Variants in ARHGAP45 observed in about 807,000 individuals in gnomAD.
ARHGAP45 encodes the protein rho GTPase-activating protein 45.
ARHGAP45 carries 56 observed loss-of-function variants against 116.1 expected under a neutral mutation model. The ratio of observed to expected loss-of-function variants is 0.48; its 90% CI spans 0.39 to 0.60. The LOEUF is 0.60. Among genes scored for constraint, ARHGAP45 ranks in the 20% least tolerant of loss-of-function variants. The pLI, the probability that ARHGAP45 is intolerant of heterozygous loss-of-function variation, is 0.00. For missense variants in ARHGAP45, 1,622 were observed against 1,601.0 expected, an observed-to-expected ratio of 1.01 and a Z score of -0.22; for synonymous variants, 866 against 701.7, an observed-to-expected ratio of 1.23 and a Z score of -3.70.
upstream of ARHGAP45, chr19:1,067,083 G>A (rs1336723368): frequency 4.7e-6 from 4 of 852,642 alleles, no homozygotes; most frequent in Non-Finnish European, 5.8e-6. Flanking sequence ...CCCCGCGAGC[G>A]GCGCGGCTCC....
Position 1,086,089 on chromosome 19 carries a change from C to T in ARHGAP45, c.*83C>T. 7.9e-7 allele frequency: 1 copy of T among 1,271,854 alleles called. No individual in the cohort carries two copies. Among genetic ancestry groups the T allele is most frequent in the Non-Finnish European group, 1.1e-6 (1 of 907,202 alleles). The allele number at this position is 1,271,854 out of a possible 1,614,324, so 78.8% of individuals were successfully genotyped here. A position where few individuals can be genotyped will look rare whatever the true frequency, so the allele number is the denominator to read the frequency against. On this transcript the variant is annotated 3_prime_UTR_variant, in exon 23 of 23. Transcript: ENST00000313093. The stretch of plus-strand genomic sequence containing the variant: ...GCACGTCCCCTGCACCACGGCATAG[C>T]TTAGGTGCGCCGTCCTGGGGTCGCT...
In ARHGAP45 at chr19:1,081,663, C is replaced by T. The variant is rs1450689381; in HGVS notation, c.2304C>T (p.Arg768=). ...LFGQDFSHAA[R]SAPDGVPFIV... The stretch of plus-strand genomic sequence containing the variant: ...GCCAGGACTTCAGCCACGCGGCCCG[C>T]AGCGCCCCCGACGGCGTGCCCTTCA... Residue 768 remains arginine, a synonymous_variant, in exon 18 of 23, where the codon CGC becomes CGT. Transcript: ENST00000313093. 10 of 1,582,784 alleles carry T rather than the reference C, an allele frequency of 6.3e-6. No individual in the cohort carries two copies. In the African/African-American group the frequency reaches 1.2e-4, roughly 19 times the overall value.
chr19:1,084,869 G>A (rs1270727749), intron 22 of ARHGAP45, among the ~76,000 whole-genome samples: 1 of 152,178 alleles, frequency 6.6e-6, no homozygotes, highest in Non-Finnish European at 1.5e-5. Context: ...ATCACTTGAG[G>A]TTAGGAGTTC....
chr19:1,067,550 G>A (rs1372791014), intron 1 of ARHGAP45, 55 bp downstream of exon 1: 5 of 1,475,310 alleles, frequency 3.4e-6, no homozygotes, highest in South Asian at 1.2e-5. Context: ...GGGGGACAGG[G>A]ACCCGCCCTG....
rs775003355 is a variant in ARHGAP45 at position 1,080,765 on chromosome 19, G to A, written c.1996G>A (p.Gly666Arg). Residue 666 changes from glycine (G) to arginine (R), a missense_variant, in exon 16 of 23, where the codon GGG becomes AGG. Physicochemically the swap from Gly to Arg is moderately radical, Grantham distance 125. Around this residue, in one of 3 missense-constraint regions of ARHGAP45, gnomAD observed 1,334 missense variants for 1,263.8 expected, o/e 1.06. Transcript: ENST00000313093. ...EELVDPDGGA[G>R]ASAFEQADLN... ...GCTGGTGGACCCAGACGGTGGAGCCGGGGCTTCAGCCTTTGAGCAGGGTGA... is the reference window on the plus strand; with the variant it reads ...GCTGGTGGACCCAGACGGTGGAGCCAGGGCTTCAGCCTTTGAGCAGGGTGA... 3.1e-6 allele frequency: 5 copies of A among 1,613,410 alleles called. No individual in the cohort carries two copies. In the South Asian group the frequency reaches 3.3e-5, roughly 11 times the overall value.
At chr19:1,070,881 ACCCTGGCAAGC>A (rs1306937376) in intron 2 of ARHGAP45, among the ~76,000 whole-genome samples, 1 of 151,792 alleles carries the variant, frequency 6.6e-6, no homozygotes, top group Non-Finnish European at 1.5e-5. Flanking sequence ...AGCTGCTGAG[ACCCTGGCAAGC>A]CCCTTCCCTC....
chr19:1,073,519 G>A lies in ARHGAP45; in HGVS notation c.579G>A (p.Glu193=). Residue 193 remains glutamate, a synonymous_variant, in exon 4 of 23, where the codon GAG becomes GAA. Transcript: ENST00000313093. Reference sequence around the variant, plus strand: ...TCTGCTTCCCAGCCTTCCATTATGAGAGCAACAATGATCTGGAGAAACAGG... The same window carrying A: ...TCTGCTTCCCAGCCTTCCATTATGAAAGCAACAATGATCTGGAGAAACAGG... The part of the protein sequence containing the change: ...LIAKVKAFHY[E]SNNDLEKQEF... 6.2e-7 allele frequency: 1 copy of A among 1,613,916 alleles called. No individual in the cohort carries two copies. Among genetic ancestry groups the A allele is most frequent in the South Asian group, 1.1e-5 (1 of 91,046 alleles).
In ARHGAP45 at chr19:1,079,700, C is replaced by A. The variant is rs764046644; in HGVS notation, c.1375-3C>A. ...CTCTCTGTGCGCCCCGCCCCCACCGCAGGCGGAGGAAGCTATGGCCACCTA... is the reference window on the plus strand; with the variant it reads ...CTCTCTGTGCGCCCCGCCCCCACCGAAGGCGGAGGAAGCTATGGCCACCTA... On this transcript the variant is annotated splice_polypyrimidine_tract_variant and splice_region_variant and intron_variant, in intron 11 of 22. Coordinates refer to ENST00000313093, the MANE Select transcript of ARHGAP45 (RefSeq NM_012292.5). 7.1e-5 allele frequency: 115 copies of A among 1,612,258 alleles called. No individual in the cohort carries two copies. The highest frequency in any genetic ancestry group is 9.4e-5 in the Non-Finnish European group (111 of 1,179,634).
At position 1,085,774 on chromosome 19, in the gene ARHGAP45, G is replaced by A; in HGVS notation, c.3179G>A (p.Ser1060Asn). Residue 1060 changes from serine to asparagine, a missense_variant, in exon 23 of 23, where the codon AGC (serine) becomes AAC (asparagine). Physicochemically the swap from Ser to Asn is conservative, Grantham distance 46. This residue lies in a region of ARHGAP45 where 1,334 missense variants were observed against 1,263.8 expected (regional missense o/e 1.06). Coordinates refer to ENST00000313093, the MANE Select transcript of ARHGAP45 (RefSeq NM_012292.5). ...GHLSFLEQQQ[S>N]EASLEVASGS... ...CTCAGCTTCCTGGAGCAGCAGCAGA[G>A]CGAGGCCAGCCTAGAGGTGGCTTCT... The A allele has an allele frequency of 1.2e-6, 2 of 1,612,744 alleles. No individual in the cohort carries two copies. Among genetic ancestry groups the A allele is most frequent in the South Asian group, 1.1e-5 (1 of 91,078 alleles).
rs754648326 is a variant in ARHGAP45, at chr19:1,081,064, G to A, written c.2190G>A (p.Glu730=). The part of the protein sequence containing the change: ...YVYFQGAECE[E]CCLACHKKCL... ...ACTTCCAGGGTGCTGAGTGTGAAGA[G>A]GTGAGTGGGACGCCCCGACGGACAG... Residue 730 remains glutamate, a splice_region_variant and synonymous_variant, in exon 17 of 23, where the codon GAG becomes GAA. Coordinates refer to ENST00000313093, the MANE Select transcript of ARHGAP45 (RefSeq NM_012292.5). 2.5e-6 allele frequency: 4 copies of A among 1,602,996 alleles called. No individual in the cohort carries two copies. The highest frequency in any genetic ancestry group is 2.2e-5 in the South Asian group (2 of 89,624).
At position 1,081,653 on chromosome 19, in the gene ARHGAP45, A is replaced by C. The variant is rs1819337703; in HGVS notation, c.2294A>C (p.His765Pro). ...CAGCTGTTCGGCCAGGACTTCAGCC[A>C]CGCGGCCCGCAGCGCCCCCGACGGC... ...RLQLFGQDFS[H>P]AARSAPDGVP... The change falls in exon 18 of 23, where the codon CAC becomes CCC. Residue 765 changes from histidine to proline, a missense_variant. Around this residue, in one of 3 missense-constraint regions of ARHGAP45, gnomAD observed 1,334 missense variants for 1,263.8 expected, o/e 1.06. Transcript: ENST00000313093. 1.3e-6 allele frequency: 2 copies of C among 1,582,314 alleles called. No homozygotes were observed. The highest frequency in any genetic ancestry group is 2.7e-5 in the African/African-American group (2 of 74,132).
In ARHGAP45 at chr19:1,068,205, C is replaced by T. The variant is rs989057420; in HGVS notation, c.91-209C>T. On this transcript the variant is annotated intron_variant, in intron 1 of 22. Coordinates refer to ENST00000313093, the MANE Select transcript of ARHGAP45 (RefSeq NM_012292.5). This position sits in a 1 kb window ranked among gnomAD's most constrained non-coding sequence, Gnocchi z 7.5. The stretch of plus-strand genomic sequence containing the variant: ...CCCCGGCTGTGGTTTGGGCAAGGAC[C>T]GTTGTTTGTGAAAGCTCTAGGGAAG... 9 of 555,628 alleles carry T rather than the reference C, an allele frequency of 1.6e-5. No homozygotes were observed. Among genetic ancestry groups the T allele is most frequent in the African/African-American group, 4.0e-5 (2 of 50,310 alleles). The allele number at this position is 555,628 out of a possible 1,614,324, so 34.4% of individuals were successfully genotyped here.
chr19:1,068,397 C>T lies in ARHGAP45; in HGVS notation c.91-17C>T, dbSNP rs768803141. 2 of 1,520,772 alleles carry T rather than the reference C, an allele frequency of 1.3e-6. No individual in the cohort carries two copies. The highest frequency in any genetic ancestry group is 8.8e-7 in the Non-Finnish European group (1 of 1,130,640). 94.2% of individuals were successfully genotyped at this position (1,520,772 alleles called of 1,614,324 possible). A position where few individuals can be genotyped will look rare whatever the true frequency, so the allele number is the denominator to read the frequency against. On this transcript the variant is annotated splice_polypyrimidine_tract_variant and intron_variant, in intron 1 of 22. Transcript: ENST00000313093. The surrounding 1 kb of genome is among the most constrained non-coding windows in gnomAD (Gnocchi z 7.5). ...CCGGAAAATCCCTTTAACGAGCTCCCCTCGGACCTGCCCAAGGAGCTGCCC... is the reference window on the plus strand; with the variant it reads ...CCGGAAAATCCCTTTAACGAGCTCCTCTCGGACCTGCCCAAGGAGCTGCCC...
In ARHGAP45 at chr19:1,079,919, C is replaced by T. The variant is rs199662312; in HGVS notation, c.1513-9C>T. The T allele has an allele frequency of 9.3e-4, 1,488 of 1,602,524 alleles. 3 individuals carry two copies. The highest frequency in any genetic ancestry group is 1.2e-3 in the Non-Finnish European group (1,383 of 1,171,696). ...TCCTGACCCCTCCGCTCTCCGGTGCCGCCCGCAGGCCACGATCTCCTACTA... is the reference window on the plus strand; with the variant it reads ...TCCTGACCCCTCCGCTCTCCGGTGCTGCCCGCAGGCCACGATCTCCTACTA... On this transcript the variant is annotated splice_polypyrimidine_tract_variant and intron_variant, in intron 12 of 22. Transcript: ENST00000313093.
intron 19 of ARHGAP45, among the ~76,000 whole-genome samples, chr19:1,082,271 T>TGCGGGG (rs1205066166): frequency 7.5e-5 from 1 of 13,292 alleles, no homozygotes; most frequent in Non-Finnish European, 1.6e-4. Context: ...CCTGACGCTG[T>TGCGGGG]GCGGGGGCGG....
At chr19:1,078,173 T>G (rs889027742) in intron 11 of ARHGAP45, 128 bp downstream of exon 11, 151 of 1,412,500 alleles carry the variant, frequency 1.1e-4, no homozygotes, top group Non-Finnish European at 1.3e-4. Flanking sequence ...AGACGGAGTC[T>G]TGCTCTGTCG....
rs1261020340 is a variant in ARHGAP45 at position 1,074,112 on chromosome 19, C to T, written c.799C>T (p.Pro267Ser). ...GCCCCCGTTCCCTGCAGGCTGCCTG[C>T]CCGCCGAGGAGGTGGACGTGCTGCT... is the stretch of plus-strand genomic sequence containing the variant. ...SLEDCDAGCLPAEEVDVLLQR... is the reference protein window; with the variant it reads ...SLEDCDAGCLSAEEVDVLLQR... The change falls in exon 7 of 23, where the codon CCC becomes TCC. Residue 267 changes from proline to serine, a missense_variant. Physicochemically the swap from Pro to Ser is moderately conservative, Grantham distance 74. Transcript: ENST00000313093. 1 of 1,611,916 alleles carries T rather than the reference C, an allele frequency of 6.2e-7. No individual in the cohort carries two copies. Among genetic ancestry groups the T allele is most frequent in the Non-Finnish European group, 8.5e-7 (1 of 1,179,328 alleles).
chr19:1,067,122 CGGCCCGG>C (rs2043048048), upstream of ARHGAP45: 1 of 1,107,718 alleles, frequency 9.0e-7, no homozygotes, highest in South Asian at 4.2e-5. Flanking sequence ...GCGGGGGGCG[CGGCCCGG>C]GGCTGGGGGC....
At chr19:1,070,423 T>C (rs1291017704) in intron 2 of ARHGAP45, among the ~76,000 whole-genome samples, 1 of 142,110 alleles carries the variant, frequency 7.0e-6, no homozygotes, top group African/African-American at 2.6e-5. Context: ...CTCCACCTCC[T>C]GGGTTCAAGT....
Sources: allele counts gnomAD v4.1 joint callset (sites outside exome capture counted in the v4.1 genomes callset), GRCh38; gene constraint gnomAD v4.1.1; regional missense constraint gnomAD v4.1.1; non-coding constraint Gnocchi (gnomAD v3.1); transcripts MANE v1.5; gene names NCBI Gene and HGNC (gene_info 2026-07-23, HGNC 2026-07-21).